The following CARM1 variants were observed in gnomAD, a reference collection of about 807,000 sequenced individuals.
CARM1 encodes the protein coactivator associated arginine methyltransferase 1, also known as histone-arginine methyltransferase CARM1.
In CARM1, 14 loss-of-function variants were observed where a neutral mutation model predicts 72.7. The ratio of observed to expected loss-of-function variants is 0.19; its 90% CI spans 0.13 to 0.30. CARM1 has a LOEUF of 0.30. Ranked by LOEUF, CARM1 falls within the 10% of genes least tolerant of loss-of-function variation. CARM1 has a pLI of 1.00. For missense variants in CARM1, 432 were observed against 833.7 expected (o/e 0.52, Z 5.93); for synonymous variants, 333 against 345.5 (o/e 0.96, Z 0.40).
chr19:10,920,249 G>A lies in CARM1; in HGVS notation c.1197-187G>A, dbSNP rs576642164. Among the ~76,000 whole-genome samples the A allele has an allele frequency of 1.9e-4, 29 of 152,092 alleles. No homozygotes were observed. Among genetic ancestry groups the A allele is most frequent in the Admixed American group, 4.6e-4 (7 of 15,268 alleles). ...GGGATCTCGTGGTTGCGGGCCCCTCGTGTGTACATGTATGCCTGCTCATGT... is the reference window on the plus strand; with the variant it reads ...GGGATCTCGTGGTTGCGGGCCCCTCATGTGTACATGTATGCCTGCTCATGT... On this transcript the variant is annotated intron_variant, in intron 10 of 15. Coordinates refer to ENST00000327064, the MANE Select transcript of CARM1 (RefSeq NM_199141.2). The surrounding 1 kb of genome is among the most constrained non-coding windows in gnomAD (Gnocchi z 5.3).
At chr19:10,918,809 T>C (rs898497859) in intron 8 of CARM1, among the ~76,000 whole-genome samples, 2 of 152,178 alleles carry the variant, frequency 1.3e-5, no homozygotes, top group Admixed American at 6.5e-5. Context: ...CAGAAAGGGC[T>C]CCCTCCAGAA....
At chr19:10,919,809 G>T in intron 9 of CARM1, 68 bp from the exon 10 acceptor site, 1 of 1,502,892 alleles carries the variant, frequency 6.7e-7, no homozygotes, top group Non-Finnish European at 9.2e-7. Context: ...TCTGCACCTG[G>T]CACCCCCTCT....
intron 1 of CARM1, among the ~76,000 whole-genome samples, chr19:10,883,592 C>T (rs1157942311): frequency 6.6e-6 from 1 of 152,226 alleles, no homozygotes; most frequent in Admixed American, 6.5e-5. Flanking sequence ...TTGCTGTGTT[C>T]CTCAGGCCGG....
intron 1 of CARM1, among the ~76,000 whole-genome samples, chr19:10,879,892 G>A (rs1369974562): frequency 6.6e-6 from 1 of 152,156 alleles, no homozygotes; most frequent in East Asian, 1.9e-4. Context: ...TAGGATTACC[G>A]GCATGAGTCA....
At chr19:10,907,803 C>T (rs1296415286) in intron 2 of CARM1, among the ~76,000 whole-genome samples, 1 of 152,256 alleles carries the variant, frequency 6.6e-6, no homozygotes, top group Non-Finnish European at 1.5e-5. Flanking sequence ...CACCAGACAG[C>T]AGCCCCACAT....
At chr19:10,906,861 CTTTAT>C (rs58330229) in intron 2 of CARM1, among the ~76,000 whole-genome samples, 17,548 of 114,560 alleles carry the variant, frequency 0.15, 1,282 homozygotes, top group South Asian at 0.19. Flanking sequence ...ATAAATATAG[CTTTAT>C]TTTATTTTAT....
Position 10,921,697 on chromosome 19 carries a change from C to T in CARM1, c.1767C>T (p.Pro589=), listed in dbSNP as rs140457143. The change falls in exon 16 of 16, where the codon CCC becomes CCT. Residue 589 remains proline, a synonymous_variant. Coordinates refer to ENST00000327064, the MANE Select transcript of CARM1 (RefSeq NM_199141.2). ...ACAGCCAGTTCACCATGGGCGGCCC[C>T]GCCATCTCCATGGCGTCGCCCATGT... ...AVNSQFTMGG[P]AISMASPMSI... 5,336 of 1,613,590 alleles carry T rather than the reference C, an allele frequency of 3.3e-3. 9 individuals are homozygous for T. The highest frequency in any genetic ancestry group is 4.1e-3 in the Non-Finnish European group (4,832 of 1,179,838).
intron 1 of CARM1, among the ~76,000 whole-genome samples, chr19:10,878,677 A>G (rs2073880424): frequency 6.6e-6 from 1 of 152,186 alleles, no homozygotes; most frequent in Non-Finnish European, 1.5e-5. Context: ...ACAAAGACCC[A>G]AAGTAGCAGA....
At chr19:10,872,510 A>G (rs1342540911) in intron 1 of CARM1, among the ~76,000 whole-genome samples, 1 of 152,140 alleles carries the variant, frequency 6.6e-6, no homozygotes, top group East Asian at 1.9e-4. Flanking sequence ...GAGAGGGCCC[A>G]TGCGGGGACG....
chr19:10,919,994 C>T (rs1182222206), intron 10 of CARM1, 28 bp downstream of exon 10: 21 of 1,574,686 alleles, frequency 1.3e-5, no homozygotes, highest in Non-Finnish European at 1.8e-5. Flanking sequence ...GCCCATGCTG[C>T]CTCCTCCCCA....
At chr19:10,895,237 T>C (rs2074015991) in intron 1 of CARM1, among the ~76,000 whole-genome samples, 1 of 152,184 alleles carries the variant, frequency 6.6e-6, no homozygotes, top group African/African-American at 2.4e-5. Flanking sequence ...CCCAAGTAGC[T>C]GGGATTACAG....
chr19:10,871,637 G>A lies in CARM1; in HGVS notation c.-66G>A, dbSNP rs867757627. 1.1e-3 allele frequency: 176 copies of A among 164,126 alleles called. No homozygotes were observed. Among genetic ancestry groups the A allele is most frequent in the African/African-American group, 5.3e-3 (139 of 26,016 alleles). The allele number at this position is 164,126 out of a possible 1,614,324, so 10.2% of individuals were successfully genotyped here. A position where few individuals can be genotyped will look rare whatever the true frequency, so the allele number is the denominator to read the frequency against. The stretch of plus-strand genomic sequence containing the variant: ...CGGCGGCGGCGGCGGCGGCGGCGGC[G>A]GCAGCGGCGGCGGCCTGGGCCCGGG... On this transcript the variant is annotated 5_prime_UTR_variant, in exon 1 of 16. Coordinates refer to ENST00000327064, the MANE Select transcript of CARM1 (RefSeq NM_199141.2). This position sits in a 1 kb window ranked among gnomAD's most constrained non-coding sequence, Gnocchi z 5.6.
At chr19:10,900,929 C>T (rs904251414) in intron 1 of CARM1, among the ~76,000 whole-genome samples, 14 of 151,698 alleles carry the variant, frequency 9.2e-5, no homozygotes, top group East Asian at 3.9e-4. Flanking sequence ...GTGATCCACC[C>T]GCCTCGGCCC....
At chr19:10,885,896 T>C (rs898958972) in intron 1 of CARM1, among the ~76,000 whole-genome samples, 6 of 147,914 alleles carry the variant, frequency 4.1e-5, no homozygotes, top group South Asian at 2.2e-4. Context: ...TCATTTTTTT[T>C]TTTTTTTTTT....
rs201148101 is a variant in CARM1, at chr19:10,921,458, G to C, written c.1684+15G>C. 1 of 1,597,454 alleles carries C rather than the reference G, an allele frequency of 6.3e-7. No individual in the cohort carries two copies. Among genetic ancestry groups the C allele is most frequent in the Admixed American group, 1.8e-5 (1 of 56,354 alleles). On this transcript the variant is annotated intron_variant, in intron 15 of 15. Transcript: ENST00000327064. ...GATTGTCCAAGGTAACGAGGGTGGC[G>C]GGGGCAGGGCCCGTGGGGGCCGAGC...
At chr19:10,902,775 T>C (rs571348220) in intron 1 of CARM1, among the ~76,000 whole-genome samples, 57 of 152,076 alleles carry the variant, frequency 3.7e-4, no homozygotes, top group Admixed American at 1.5e-3. Context: ...CACCGACTAA[T>C]ATTTTTATAT....
At chr19:10,917,607 C>G (rs192905917) in intron 8 of CARM1, among the ~76,000 whole-genome samples, 2 of 152,268 alleles carry the variant, frequency 1.3e-5, no homozygotes, top group Admixed American at 1.3e-4. Context: ...CCCATTCTTT[C>G]TCCTTCTGGG....
Position 10,922,981 on chromosome 19 carries a change from C to T in CARM1, c.*1224C>T. On this transcript the variant is annotated 3_prime_UTR_variant, in exon 16 of 16. Coordinates refer to ENST00000327064, the MANE Select transcript of CARM1 (RefSeq NM_199141.2). ...GGATATGGGGGCCCCAGCCCTGTCCCAAAGCTCCCTGCTCGGCTGCCCCTC... is the reference window on the plus strand; with the variant it reads ...GGATATGGGGGCCCCAGCCCTGTCCTAAAGCTCCCTGCTCGGCTGCCCCTC... 1 of 264,118 alleles carries T rather than the reference C, an allele frequency of 3.8e-6. No homozygotes were observed. Among genetic ancestry groups the T allele is most frequent in the Non-Finnish European group, 7.2e-6 (1 of 139,614 alleles). 16.4% of individuals were successfully genotyped at this position (264,118 alleles called of 1,614,324 possible).
chr19:10,917,476 C>CAAA (rs956842320), intron 8 of CARM1, among the ~76,000 whole-genome samples: 4 of 149,210 alleles, frequency 2.7e-5, no homozygotes, highest in African/African-American at 9.8e-5. Flanking sequence ...GACTCCGTCT[C>CAAA]AAAAAAAAAG....
Sources: allele counts gnomAD v4.1 joint callset (sites outside exome capture counted in the v4.1 genomes callset), GRCh38; gene constraint gnomAD v4.1.1; non-coding constraint Gnocchi (gnomAD v3.1); transcripts MANE v1.5; gene names NCBI Gene and HGNC (gene_info 2026-07-23, HGNC 2026-07-21).